Variants in SYT7 observed in about 807,000 individuals in gnomAD.
The protein encoded by SYT7 is synaptotagmin 7, also known as synaptotagmin-7.
SYT7 carries 29 observed loss-of-function variants against 75.1 expected under a neutral mutation model. The ratio of observed to expected loss-of-function variants is 0.39; its 90% CI spans 0.29 to 0.53. The LOEUF is 0.53. SYT7 is among the 20% of genes least tolerant of loss of function. The pLI, the probability that SYT7 is intolerant of heterozygous loss-of-function variation, is 0.77. For synonymous variants in SYT7, 376 were observed against 401.7 expected, an observed-to-expected ratio of 0.94 and a Z score of 0.76; for missense variants, 693 against 953.2, an observed-to-expected ratio of 0.73 and a Z score of 3.59.
At chr11:61,528,427 C>T (rs997280506) in intron 8 of SYT7, among the ~76,000 whole-genome samples, 1 of 152,142 alleles carries the variant, frequency 6.6e-6, no homozygotes, top group African/African-American at 2.4e-5. Flanking sequence ...ATGCACGACA[C>T]TCACTTCCCA....
chr11:61,559,800 A>G (rs1025423729), intron 1 of SYT7, among the ~76,000 whole-genome samples: 2 of 152,184 alleles, frequency 1.3e-5, no homozygotes, highest in Non-Finnish European at 2.9e-5. Flanking sequence ...CCCAGAGTCC[A>G]GTGGGCACAC....
At chr11:61,562,806 C>A (rs2063672052) in intron 1 of SYT7, among the ~76,000 whole-genome samples, 1 of 152,150 alleles carries the variant, frequency 6.6e-6, no homozygotes, top group African/African-American at 2.4e-5. Context: ...GAACTGCCGA[C>A]CCAATCCGGT....
At chr11:61,586,764 A>T in the SYT7 span, among the ~76,000 whole-genome samples, 1 of 152,026 alleles carries the variant, frequency 6.6e-6, no homozygotes, top group African/African-American at 2.4e-5. Flanking sequence ...TCCTCTCCGC[A>T]GTGACTTTTG....
intron 1 of SYT7, among the ~76,000 whole-genome samples, chr11:61,579,001 C>T (rs765337022): frequency 2.0e-5 from 3 of 152,188 alleles, no homozygotes; most frequent in Non-Finnish European, 2.9e-5. Context: ...ATGCCAAGCA[C>T]GTCAAGCTGG....
chr11:61,521,367 C>G (rs181601495), intron 12 of SYT7, among the ~76,000 whole-genome samples: 14 of 152,292 alleles, frequency 9.2e-5, no homozygotes, highest in African/African-American at 3.1e-4. Flanking sequence ...CACCAAGAGG[C>G]GAAGCTTCAA....
At chr11:61,569,852 C>T (rs1565207772) in intron 1 of SYT7, among the ~76,000 whole-genome samples, 1 of 152,200 alleles carries the variant, frequency 6.6e-6, no homozygotes, top group South Asian at 2.1e-4. Flanking sequence ...TGTCCTTGAG[C>T]TTCCCCCAAT....
At chr11:61,575,332 A>G (rs1312298788) in intron 1 of SYT7, among the ~76,000 whole-genome samples, 1 of 152,148 alleles carries the variant, frequency 6.6e-6, no homozygotes, top group East Asian at 1.9e-4. Context: ...TTTTGTCACT[A>G]TTAGGGTTTG....
chr11:61,546,076 C>A lies in SYT7; in HGVS notation c.527G>T (p.Arg176Leu). 6.5e-7 allele frequency: 1 copy of A among 1,532,472 alleles called. No individual in the cohort carries two copies. Among genetic ancestry groups the A allele is most frequent in the Non-Finnish European group, 8.7e-7 (1 of 1,145,302 alleles). 94.9% of individuals were successfully genotyped at this position (1,532,472 alleles called of 1,614,324 possible). ...SGGKAGRGRW[R>L]TVQSHLAAGK... ...TGCGGCCAGGTGGCTCTGCACCGTC[C>A]GCCAGCGGCCTCTCCCCGCCTTGCC... The change falls in exon 5 of 13, where the codon CGG (arginine) becomes CTG (leucine). Residue 176 changes from arginine (R) to leucine (L), a missense_variant. Arg to Leu is a moderately radical substitution (Grantham distance 102). Around this residue, in one of 2 missense-constraint regions of SYT7, gnomAD observed 487 missense variants for 593.2 expected, o/e 0.82. Transcript: ENST00000539008. The surrounding 1 kb of genome is among the most constrained non-coding windows in gnomAD (Gnocchi z 7.6).
intron 1 of SYT7, among the ~76,000 whole-genome samples, chr11:61,572,120 G>T (rs865950354): frequency 4.6e-5 from 7 of 152,196 alleles, no homozygotes; most frequent in Non-Finnish European, 7.3e-5. Context: ...TGAGGTTGGG[G>T]GGGGGGCACA....
At position 61,518,183 on chromosome 11, in the gene SYT7, G is replaced by T; in HGVS notation, c.*444C>A. 1 of 161,258 alleles carries T rather than the reference G, an allele frequency of 6.2e-6. No individual in the cohort carries two copies. Among genetic ancestry groups the T allele is most frequent in the Non-Finnish European group, 1.3e-5 (1 of 74,112 alleles). The allele number at this position is 161,258 out of a possible 1,614,324, so 10.0% of individuals were successfully genotyped here. A position where few individuals can be genotyped will look rare whatever the true frequency, so the allele number is the denominator to read the frequency against. On this transcript the variant is annotated 3_prime_UTR_variant, in exon 13 of 13. Transcript: ENST00000539008. ...ACTGCCCTGGGGATGGGCCTCTCCT[G>T]GCCAGGCCGGGGCCAAACGCCTCAG... is the stretch of plus-strand genomic sequence containing the variant.
At chr11:61,521,783 G>C (rs1300710543) in intron 12 of SYT7, among the ~76,000 whole-genome samples, 1 of 152,182 alleles carries the variant, frequency 6.6e-6, no homozygotes, top group African/African-American at 2.4e-5. Flanking sequence ...ACTGCCCTGA[G>C]CACTGGTTCC....
At chr11:61,570,867 T>C (rs1036073769) in intron 1 of SYT7, among the ~76,000 whole-genome samples, 1 of 152,226 alleles carries the variant, frequency 6.6e-6, no homozygotes, top group Non-Finnish European at 1.5e-5. Flanking sequence ...TGTTCCCACC[T>C]GTACCATCAA....
At chr11:61,535,890 G>A (rs1209288201) in intron 7 of SYT7, among the ~76,000 whole-genome samples, 1 of 152,130 alleles carries the variant, frequency 6.6e-6, no homozygotes, top group Non-Finnish European at 1.5e-5. Context: ...GGGTCTAGAA[G>A]GAAAGGCTGA....
rs2063076845 is a variant in SYT7 at position 61,542,630 on chromosome 11, A to T, written c.573-51T>A. 1.4e-6 allele frequency: 2 copies of T among 1,437,470 alleles called. No homozygotes were observed. Among genetic ancestry groups the T allele is most frequent in the Non-Finnish European group, 9.1e-7 (1 of 1,099,708 alleles). 89.0% of individuals were successfully genotyped at this position (1,437,470 alleles called of 1,614,324 possible). A position where few individuals can be genotyped will look rare whatever the true frequency, so the allele number is the denominator to read the frequency against. On this transcript the variant is annotated intron_variant, in intron 5 of 12. Transcript: ENST00000539008. This position sits in a 1 kb window ranked among gnomAD's most constrained non-coding sequence, Gnocchi z 7.8. ...GAAAGGAGAAGCAGATGAAGGGATC[A>T]CAGTGGAAGAGAAAGAAGCCGAGGG...
At position 61,551,584 on chromosome 11, in the gene SYT7, G is replaced by A; in HGVS notation, c.136-121C>T. The A allele has an allele frequency of 2.0e-6, 2 of 1,011,792 alleles. No homozygotes were observed. Among genetic ancestry groups the A allele is most frequent in the East Asian group, 2.5e-5 (1 of 40,400 alleles). 62.7% of individuals were successfully genotyped at this position (1,011,792 alleles called of 1,614,324 possible). A position where few individuals can be genotyped will look rare whatever the true frequency, so the allele number is the denominator to read the frequency against. On this transcript the variant is annotated intron_variant, in intron 2 of 12. Coordinates refer to ENST00000539008, the MANE Select transcript of SYT7 (RefSeq NM_001365809.2). This position sits in a 1 kb window ranked among gnomAD's most constrained non-coding sequence, Gnocchi z 5.3. ...AGTCGGGCCGTGGCAACAAGGCCAGGACCAGTGTGCGAGGCTGTCACCGCG... is the reference window on the plus strand; with the variant it reads ...AGTCGGGCCGTGGCAACAAGGCCAGAACCAGTGTGCGAGGCTGTCACCGCG...
rs558450261 is a variant in SYT7 at position 61,558,475 on chromosome 11, A to T, written c.32-2268T>A. 4.8e-4 allele frequency among the ~76,000 whole-genome samples: 69 copies of T among 143,078 alleles called. 1 individual carries two copies. In the East Asian group the frequency reaches 9.2e-3, roughly 19 times the overall value. 93.9% of individuals were successfully genotyped at this position (143,078 alleles called of 152,430 possible). The stretch of plus-strand genomic sequence containing the variant: ...ACAGAGCAAGACTCTGTTTCAAAAA[A>T]ATATATATATACACACACACACACA... On this transcript the variant is annotated intron_variant, in intron 1 of 12. Coordinates refer to ENST00000539008, the MANE Select transcript of SYT7 (RefSeq NM_001365809.2).
At chr11:61,534,680 G>A (rs1042278963) in intron 7 of SYT7, among the ~76,000 whole-genome samples, 2 of 152,220 alleles carry the variant, frequency 1.3e-5, no homozygotes, top group African/African-American at 4.8e-5. Flanking sequence ...GCAGGGAGTG[G>A]TTTCAGGGCC....
At chr11:61,572,075 C>A in intron 1 of SYT7, among the ~76,000 whole-genome samples, 1 of 152,128 alleles carries the variant, frequency 6.6e-6, no homozygotes, top group East Asian at 1.9e-4. Context: ...TCCCTTCGCA[C>A]CTCCCCAACC....
chr11:61,545,466 C>T (rs1036685571), intron 5 of SYT7, among the ~76,000 whole-genome samples: 3 of 152,218 alleles, frequency 2.0e-5, no homozygotes, highest in Non-Finnish European at 2.9e-5. Context: ...TGCGGCTGCT[C>T]GTGAGTGGCT....
Sources: gnomAD v4.1 joint callset for allele counts (sites outside exome capture counted in the v4.1 genomes callset) on GRCh38, gnomAD v4.1.1 for gene constraint, gnomAD v4.1.1 regional missense constraint, Gnocchi (gnomAD v3.1) non-coding constraint, MANE v1.5 for transcripts, NCBI Gene and HGNC (gene_info 2026-07-23, HGNC 2026-07-21) for gene names.